The following KLF18 variants were observed in gnomAD, a reference collection of about 807,000 sequenced individuals.
The protein encoded by KLF18 is KLF transcription factor 18.
At position 44,140,772 on chromosome 1, in the gene KLF18, T is replaced by C. The variant is rs1357090394; in HGVS notation, c.860A>G (p.Gln287Arg). 11 of 397,916 alleles carry C rather than the reference T, an allele frequency of 2.8e-5. No individual in the cohort carries two copies. Among genetic ancestry groups the C allele is most frequent in the Middle Eastern group, 1.2e-3 (2 of 1,612 alleles). The allele number at this position is 397,916 out of a possible 1,614,324, so 24.6% of individuals were successfully genotyped here. ...TGTCATCTGCTCTCCACAGAGGGTC[T>C]GGTTACTAGCGGAGGTCGTCATCTG... ...GGQMTTSASN[Q>R]TLCGEQMTTS... The change falls in exon 1 of 2, where the codon CAG (glutamine) becomes CGG (arginine). Residue 287 changes from glutamine (Q) to arginine (R), a missense_variant. Transcript: ENST00000634670.
intron 1 of KLF18, 149 bp downstream of exon 1, chr1:44,138,515 C>T: frequency 2.5e-6 from 1 of 393,564 alleles, no homozygotes; most frequent in Non-Finnish European, 4.5e-6. Flanking sequence ...CCTAGGACTG[C>T]TTTATCTACC....
At chr1:44,138,519 A>G (rs780040881) in intron 1 of KLF18, 145 bp downstream of exon 1, 24 of 393,728 alleles carry the variant, frequency 6.1e-5, no homozygotes, top group Non-Finnish European at 8.5e-5. Flanking sequence ...GGACTGCTTT[A>G]TCTACCCTTC....
rs1295211276 is a variant in KLF18, at chr1:44,140,806, A to C, written c.826T>G (p.Tyr276Asp). Residue 276 changes from tyrosine (Y) to aspartate (D), a missense_variant, in exon 1 of 2, where the codon TAT becomes GAT. By Grantham distance (160) the Tyr-to-Asp change is radical. Coordinates refer to ENST00000634670, the MANE Select transcript of KLF18 (RefSeq NM_001358438.1). Reference sequence around the variant, plus strand: ...GCGGAGGTCGTCATCTGCCCCCCATAGAGGGCCTGGTTACCAGTGGAGGTT... The same window carrying C: ...GCGGAGGTCGTCATCTGCCCCCCATCGAGGGCCTGGTTACCAGTGGAGGTT... The part of the protein sequence containing the change: ...MTTSTGNQAL[Y>D]GGQMTTSASN... 5.0e-6 allele frequency: 2 copies of C among 397,738 alleles called. No individual in the cohort carries two copies. Among genetic ancestry groups the C allele is most frequent in the Non-Finnish European group, 8.8e-6 (2 of 226,084 alleles). The allele number at this position is 397,738 out of a possible 1,614,324, so 24.6% of individuals were successfully genotyped here.
Position 44,139,617 on chromosome 1 carries a change from A to G in KLF18, c.2015T>C (p.Met672Thr), listed in dbSNP as rs1643213831. ...TGNQALCGEQ[M>T]TTSTGNQALY... ...GGCCTGGTTACCAGTGGAGGTTGTC[A>G]TCTGCTCTCCACAGAGGGCCTGGTT... Residue 672 changes from methionine to threonine, a missense_variant, in exon 1 of 2, where the codon ATG becomes ACG. Transcript: ENST00000634670. 2.5e-6 allele frequency: 1 copy of G among 396,856 alleles called. No homozygotes were observed. Among genetic ancestry groups the G allele is most frequent in the African/African-American group, 2.1e-5 (1 of 47,884 alleles). 24.6% of individuals were successfully genotyped at this position (396,856 alleles called of 1,614,324 possible).
Position 44,137,959 on chromosome 1 carries a change from G to A in KLF18, c.3021C>T (p.Arg1007=), listed in dbSNP as rs1317779096. The A allele has an allele frequency of 1.8e-5, 7 of 398,628 alleles. No individual in the cohort carries two copies. Among genetic ancestry groups the A allele is most frequent in the Non-Finnish European group, 3.1e-5 (7 of 226,176 alleles). The allele number at this position is 398,628 out of a possible 1,614,324, so 24.7% of individuals were successfully genotyped here. A position where few individuals can be genotyped will look rare whatever the true frequency, so the allele number is the denominator to read the frequency against. The change falls in exon 2 of 2, where the codon CGC becomes CGT. Residue 1007 remains arginine, a synonymous_variant. Transcript: ENST00000634670. Reference sequence around the variant, plus strand: ...TCTTGTGTCTGTTGAGCTCATCTGAGCGGGCAAATTTCCACGTACATCCCT... The same window carrying A: ...TCTTGTGTCTGTTGAGCTCATCTGAACGGGCAAATTTCCACGTACATCCCT... ...DVEGCTWKFA[R]SDELNRHKKR...
At position 44,141,216 on chromosome 1, in the gene KLF18, C is replaced by T. The variant is rs1366100059; in HGVS notation, c.416G>A (p.Ser139Asn). 10 of 398,546 alleles carry T rather than the reference C, an allele frequency of 2.5e-5. No individual in the cohort carries two copies. In the South Asian group the frequency reaches 3.8e-4, roughly 15 times the overall value. 24.7% of individuals were successfully genotyped at this position (398,546 alleles called of 1,614,324 possible). Residue 139 changes from serine (S) to asparagine (N), a missense_variant, in exon 1 of 2, where the codon AGC becomes AAC. By Grantham distance (46) the Ser-to-Asn change is conservative. Transcript: ENST00000634670. The stretch of plus-strand genomic sequence containing the variant: ...ACTTTCATTGGAGATTGTCATGTTG[C>T]TTGCAGTGATGGTTGTCTTCTGGCA... The part of the protein sequence containing the change: ...TDCQKTTITA[S>N]NMTISNESSQ...
At chr1:44,138,196 G>GA (rs1245506373) in intron 1 of KLF18, among the ~76,000 whole-genome samples, 185 bp from the exon 2 acceptor site, 2 of 152,012 alleles carry the variant, frequency 1.3e-5, no homozygotes, top group African/African-American at 2.4e-5. Flanking sequence ...GGAGAGACAA[G>GA]AGGAAAACTG....
chr1:44,140,809 G>A lies in KLF18; in HGVS notation c.823C>T (p.Leu275Phe), dbSNP rs1010751888. ...GAGGTCGTCATCTGCCCCCCATAGA[G>A]GGCCTGGTTACCAGTGGAGGTTGTC... ...QMTTSTGNQALYGGQMTTSAS... is the reference protein window; with the variant it reads ...QMTTSTGNQAFYGGQMTTSAS... The change falls in exon 1 of 2, where the codon CTC (leucine) becomes TTC (phenylalanine). Residue 275 changes from leucine to phenylalanine, a missense_variant. By Grantham distance (22) the Leu-to-Phe change is conservative (BLOSUM62 0). Coordinates refer to ENST00000634670, the MANE Select transcript of KLF18 (RefSeq NM_001358438.1). 4.7e-4 allele frequency: 188 copies of A among 398,322 alleles called. No homozygotes were observed. The highest frequency in any genetic ancestry group is 6.6e-4 in the Non-Finnish European group (150 of 226,162). The allele number at this position is 398,322 out of a possible 1,614,324, so 24.7% of individuals were successfully genotyped here. A position where few individuals can be genotyped will look rare whatever the true frequency, so the allele number is the denominator to read the frequency against.
chr1:44,141,299 G>A lies in KLF18; in HGVS notation c.333C>T (p.His111=). 2.5e-6 allele frequency: 1 copy of A among 398,682 alleles called. No individual in the cohort carries two copies. Among genetic ancestry groups the A allele is most frequent in the Non-Finnish European group, 4.4e-6 (1 of 226,160 alleles). 24.7% of individuals were successfully genotyped at this position (398,682 alleles called of 1,614,324 possible). The change falls in exon 1 of 2, where the codon CAC becomes CAT. Residue 111 remains histidine (H), a synonymous_variant. Coordinates refer to ENST00000634670, the MANE Select transcript of KLF18 (RefSeq NM_001358438.1). ...CATCTGTCATCTGGGAGCCTGCTGTGTGTTTTACCTGATCAAAGGAAGTCA... is the reference window on the plus strand; with the variant it reads ...CATCTGTCATCTGGGAGCCTGCTGTATGTTTTACCTGATCAAAGGAAGTCA... ...QKVTSFDQVK[H]TAGSQMTDVT...
chr1:44,139,418 G>C lies in KLF18; in HGVS notation c.2214C>G (p.Tyr738Ter). The C allele has an allele frequency of 8.4e-6, 2 of 237,286 alleles. 1 individual carries two copies. The allele number at this position is 237,286 out of a possible 1,614,324, so 14.7% of individuals were successfully genotyped here. The part of the protein sequence containing the change: ...MMTSTGNQTL[Y>*]WGQMMTSTGN... ...CAGTGGAGGTCATCATCTGCCCCCA[G>C]TAGAGGGTCTGGTTACCAGTGGAGG... The change falls in exon 1 of 2, where the codon TAC becomes TAG. Residue 738 changes from tyrosine to a stop codon, truncating the protein, a stop_gained. Transcript: ENST00000634670. LOFTEE classifies it high-confidence loss of function.
Position 44,139,035 on chromosome 1 carries a change from C to T in KLF18, c.2597G>A (p.Gly866Glu), listed in dbSNP as rs547022658. 14 of 397,030 alleles carry T rather than the reference C, an allele frequency of 3.5e-5. No homozygotes were observed. Among genetic ancestry groups the T allele is most frequent in the Non-Finnish European group, 4.4e-5 (10 of 225,402 alleles). The allele number at this position is 397,030 out of a possible 1,614,324, so 24.6% of individuals were successfully genotyped here. A position where few individuals can be genotyped will look rare whatever the true frequency, so the allele number is the denominator to read the frequency against. Residue 866 changes from glycine (G) to glutamate (E), a missense_variant, in exon 1 of 2, where the codon GGG becomes GAG. By Grantham distance (98) the Gly-to-Glu change is moderately conservative. Transcript: ENST00000634670. ...GTTATCAGTGGAGGTCATATTCTGC[C>T]CCCCGTAGAGGTTCTGGTTACCAGT... ...TSTGNQNLYG[G>E]QNMTSTDNQA...
At chr1:44,138,149 T>C (rs1000685278) in intron 1 of KLF18, 138 bp from the exon 2 acceptor site, 3 of 392,070 alleles carry the variant, frequency 7.7e-6, no homozygotes, top group African/African-American at 4.3e-5. Flanking sequence ...GTGGTGGAGG[T>C]GAGTGAAGGA....
chr1:44,140,199 G>T lies in KLF18; in HGVS notation c.1433C>A (p.Thr478Asn), dbSNP rs1572000226. The T allele has an allele frequency of 7.6e-6, 3 of 395,152 alleles. No homozygotes were observed. Among genetic ancestry groups the T allele is most frequent in the Admixed American group, 9.0e-5 (2 of 22,320 alleles). The allele number at this position is 395,152 out of a possible 1,614,324, so 24.5% of individuals were successfully genotyped here. ...GTAGAGGGCCTGGTTACCAGTGGAGGTCGTCACCTGCTCCCCACAGAGGGT... is the reference window on the plus strand; with the variant it reads ...GTAGAGGGCCTGGTTACCAGTGGAGTTCGTCACCTGCTCCCCACAGAGGGT... ...NQTLCGEQVT[T>N]STGNQALYGG... is the part of the protein sequence containing the mutation. Residue 478 changes from threonine to asparagine, a missense_variant, in exon 1 of 2, where the codon ACC (threonine) becomes AAC (asparagine). Thr to Asn is a moderately conservative substitution (Grantham distance 65, BLOSUM62 0). Transcript: ENST00000634670.
Position 44,138,030 on chromosome 1 carries a change from G to C in KLF18, c.2969-19C>G, listed in dbSNP as rs1250279278. 2 of 398,600 alleles carry C rather than the reference G, an allele frequency of 5.0e-6. No individual in the cohort carries two copies. Among genetic ancestry groups the C allele is most frequent in the Non-Finnish European group, 8.8e-6 (2 of 226,148 alleles). 24.7% of individuals were successfully genotyped at this position (398,600 alleles called of 1,614,324 possible). On this transcript the variant is annotated intron_variant, in intron 1 of 1. Transcript: ENST00000634670. ...TTCTCCCCTGGACCAGACAGAGAGA[G>C]AGAGACCTGTCATACATCAGGGTGA...
chr1:44,138,561 T>C, intron 1 of KLF18, 103 bp downstream of exon 1: 1 of 397,164 alleles, frequency 2.5e-6, no homozygotes. Context: ...TTATAGAATT[T>C]TTTGAATCCC....
rs1187343294 is a variant in KLF18 at position 44,141,012 on chromosome 1, G to T, written c.620C>A (p.Thr207Asn). The change falls in exon 1 of 2, where the codon ACC (threonine) becomes AAC (asparagine). Residue 207 changes from threonine (T) to asparagine (N), a missense_variant. Physicochemically the swap from Thr to Asn is moderately conservative, Grantham distance 65. Transcript: ENST00000634670. ...GGTTGTCATTTGGCCCCCAGAGAGG[G>T]TCTCATCGCTACCGGAAGTCACTGT... is the stretch of plus-strand genomic sequence containing the variant. ...GHTVTSGSDE[T>N]LSGGQMTTSL... 5 of 398,536 alleles carry T rather than the reference G, an allele frequency of 1.3e-5. No homozygotes were observed. Among genetic ancestry groups the T allele is most frequent in the East Asian group, 7.1e-5 (2 of 28,058 alleles). 24.7% of individuals were successfully genotyped at this position (398,536 alleles called of 1,614,324 possible).
rs1643204232 is a variant in KLF18, at chr1:44,139,255, G to A, written c.2377C>T (p.Leu793Phe). The A allele has an allele frequency of 5.1e-6, 2 of 390,296 alleles. No individual in the cohort carries two copies. Among genetic ancestry groups the A allele is most frequent in the Admixed American group, 9.1e-5 (2 of 21,946 alleles). 24.2% of individuals were successfully genotyped at this position (390,296 alleles called of 1,614,324 possible). ...GAGGTCGTCACCTGCTCCCCACAGA[G>A]GGTCTGGTTACTAGTGGGGGTCGTC... is the stretch of plus-strand genomic sequence containing the variant. ...QMTTPTSNQT[L>F]CGEQVTTSTG... Residue 793 changes from leucine (L) to phenylalanine (F), a missense_variant, in exon 1 of 2, where the codon CTC becomes TTC. Physicochemically the swap from Leu to Phe is conservative, Grantham distance 22. Transcript: ENST00000634670.
At chr1:44,138,049 A>T in intron 1 of KLF18, 38 bp from the exon 2 acceptor site, 1 of 398,608 alleles carries the variant, frequency 2.5e-6, no homozygotes, top group Non-Finnish European at 4.4e-6. Flanking sequence ...GTCATACATC[A>T]GGGTGAGGTA....
In KLF18 at chr1:44,139,490, C is replaced by T. The variant is rs1643210808; in HGVS notation, c.2142G>A (p.Val714=). ...TSNQTLCGEQ[V]TTSTGNQALY... is the part of the protein sequence containing the mutation. Reference sequence around the variant, plus strand: ...GGGCCTGGTTACCAGTGGAGGTCGTCACCTGCTCCCCACAGAGGGTCTGGT... The same window carrying T: ...GGGCCTGGTTACCAGTGGAGGTCGTTACCTGCTCCCCACAGAGGGTCTGGT... The change falls in exon 1 of 2, where the codon GTG becomes GTA. Residue 714 remains valine (V), a synonymous_variant. Transcript: ENST00000634670. The T allele has an allele frequency of 2.6e-6, 1 of 389,842 alleles. No homozygotes were observed. The highest frequency in any genetic ancestry group is 4.5e-6 in the Non-Finnish European group (1 of 222,326). The allele number at this position is 389,842 out of a possible 1,614,324, so 24.1% of individuals were successfully genotyped here. A position where few individuals can be genotyped will look rare whatever the true frequency, so the allele number is the denominator to read the frequency against.
Sources: gnomAD v4.1 joint callset for allele counts (sites outside exome capture counted in the v4.1 genomes callset) on GRCh38, gnomAD v4.1.1 for gene constraint, MANE v1.5 for transcripts, NCBI Gene and HGNC (gene_info 2026-07-23, HGNC 2026-07-21) for gene names.